The following HIP1 variants were observed in gnomAD, a reference collection of about 807,000 sequenced individuals.
HIP1 encodes huntingtin interacting protein 1.
A neutral mutation model predicts 147.6 loss-of-function variants in HIP1; 65 were observed. The observed-to-expected ratio is 0.44, with a 90% CI of 0.36 to 0.54. The LOEUF is 0.54. HIP1 is among the 20% of genes least tolerant of loss of function. HIP1 has a pLI of 0.00. For synonymous variants in HIP1, 479 were observed against 504.0 expected (o/e 0.95, Z 0.67); for missense variants, 1,061 against 1,299.6 (o/e 0.82, Z 2.82).
Position 75,535,970 on chromosome 7 carries a change from T to C in HIP1, c.*2202A>G, listed in dbSNP as rs587677313. 17 of 178,100 alleles carry C rather than the reference T, an allele frequency of 9.5e-5. No homozygotes were observed. Among genetic ancestry groups the C allele is most frequent in the Admixed American group, 6.9e-4 (11 of 15,846 alleles). 11.0% of individuals were successfully genotyped at this position (178,100 alleles called of 1,614,324 possible). ...CTCAGGTGATCCTACCACCTCAGCC[T>C]CTCAAAGTGCTGGGATTACAGGCGT... On this transcript the variant is annotated 3_prime_UTR_variant, in exon 31 of 31. Transcript: ENST00000336926.
chr7:75,640,077 C>T (rs527382655), intron 1 of HIP1, among the ~76,000 whole-genome samples: 1 of 152,322 alleles, frequency 6.6e-6, no homozygotes, highest in East Asian at 1.9e-4. Flanking sequence ...AGACATTCCC[C>T]TCTGCAGTAG....
chr7:75,599,939 G>A (rs59805201), intron 1 of HIP1, among the ~76,000 whole-genome samples: 1,512 of 147,048 alleles, frequency 0.01, 30 homozygotes, highest in African/African-American at 0.036. Context: ...GGGTTCAAGC[G>A]ATTCTCCCGC....
chr7:75,608,875 C>T (rs1031286866), intron 1 of HIP1, among the ~76,000 whole-genome samples: 3 of 152,072 alleles, frequency 2.0e-5, no homozygotes, highest in East Asian at 3.9e-4. Context: ...GATATCAGGT[C>T]GAGGAAAACT....
At chr7:75,668,052 G>A (rs942130553) in intron 1 of HIP1, among the ~76,000 whole-genome samples, 11 of 152,072 alleles carry the variant, frequency 7.2e-5, no homozygotes, top group Non-Finnish European at 1.3e-4. Flanking sequence ...ACCATCCCTG[G>A]ATTTCCTGTT....
At chr7:75,691,056 C>G (rs1295696214) in intron 1 of HIP1, among the ~76,000 whole-genome samples, 1 of 152,128 alleles carries the variant, frequency 6.6e-6, no homozygotes, top group Non-Finnish European at 1.5e-5. Flanking sequence ...GTGGTCTAAT[C>G]CATGCAATGG....
chr7:75,650,681 C>G (rs893214374), intron 1 of HIP1, among the ~76,000 whole-genome samples: 6 of 151,870 alleles, frequency 4.0e-5, no homozygotes, highest in African/African-American at 7.3e-5. Flanking sequence ...TCAAACTCCT[C>G]GGCCTCCCAA....
rs1476747809 is a variant in HIP1, at chr7:75,557,701, C to CT, written c.1533dup (p.Glu512ArgfsTer11). 3.1e-6 allele frequency: 5 copies of CT among 1,614,058 alleles called. No homozygotes were observed. Among genetic ancestry groups the CT allele is most frequent in the African/African-American group, 2.7e-5 (2 of 74,930 alleles). Reference sequence around the variant, plus strand: ...ATGCGCTCCAACGAATCCTCCAGCTCTTTTTTCTCTCGTTCCAAATCTACC... The same window carrying CT: ...ATGCGCTCCAACGAATCCTCCAGCTCTTTTTTTCTCTCGTTCCAAATCTACC... On this transcript the variant is annotated frameshift_variant, in exon 16 of 31. Transcript: ENST00000336926. LOFTEE classifies it high-confidence loss of function.
chr7:75,723,947 TATAGAGAG>T (rs1389669095), intron 1 of HIP1, among the ~76,000 whole-genome samples: 160 of 133,720 alleles, frequency 1.2e-3, no homozygotes, highest in African/African-American at 4.3e-3. Context: ...TTTATATATA[TATAGAGAG>T]AGAGAGAGAG....
intron 1 of HIP1, among the ~76,000 whole-genome samples, chr7:75,644,649 T>G (rs1416527892): frequency 1.3e-5 from 2 of 152,196 alleles, no homozygotes; most frequent in Non-Finnish European, 2.9e-5. Context: ...AAAGCCAGGA[T>G]AACAGTAGTC....
chr7:75,601,339 A>G (rs2117014461), intron 1 of HIP1, among the ~76,000 whole-genome samples: 1 of 152,232 alleles, frequency 6.6e-6, no homozygotes, highest in Non-Finnish European at 1.5e-5. Flanking sequence ...CTGTAATCCC[A>G]GCACTTTGGG....
In HIP1 at chr7:75,607,529, TAAAAAAAAAAA is replaced by T. The variant is rs140305342; in HGVS notation, c.121-8293_121-8283del. ...CAGACATGAGCCACCATGCCCAGCC[TAAAAAAAAAAA>T]AAAAAAAAAAAATTTGTCAAGTGCG... On this transcript the variant is annotated intron_variant, in intron 1 of 30. Coordinates refer to ENST00000336926, the MANE Select transcript of HIP1 (RefSeq NM_005338.7). Among the ~76,000 whole-genome samples the T allele has an allele frequency of 2.8e-5, 3 of 107,418 alleles. No individual in the cohort carries two copies. In the Admixed American group the frequency reaches 3.3e-4, roughly 12 times the overall value. The allele number at this position is 107,418 out of a possible 152,430, so 70.5% of individuals were successfully genotyped here. A position where few individuals can be genotyped will look rare whatever the true frequency, so the allele number is the denominator to read the frequency against.
At chr7:75,706,642 T>A (rs1801013934) in intron 1 of HIP1, among the ~76,000 whole-genome samples, 2 of 121,540 alleles carry the variant, frequency 1.6e-5, no homozygotes, top group Middle Eastern at 3.3e-3. Context: ...TTTTTTTTTT[T>A]TTATTATACT....
At chr7:75,674,712 C>T (rs2117254302) in intron 1 of HIP1, among the ~76,000 whole-genome samples, 1 of 151,916 alleles carries the variant, frequency 6.6e-6, no homozygotes, top group Middle Eastern at 3.4e-3. Flanking sequence ...AGGATGGTCT[C>T]GATCTCCTGA....
chr7:75,544,242 G>A (rs1794448040), intron 27 of HIP1, among the ~76,000 whole-genome samples: 1 of 151,080 alleles, frequency 6.6e-6, no homozygotes, highest in Non-Finnish European at 1.5e-5. Context: ...TTTTTATTTG[G>A]AATCGAATCC....
intron 1 of HIP1, among the ~76,000 whole-genome samples, chr7:75,658,553 G>A (rs1375442824): frequency 6.6e-6 from 1 of 152,056 alleles, no homozygotes; most frequent in African/African-American, 2.4e-5. Context: ...CACAGAGGTC[G>A]CTGGGTTTGG....
At chr7:75,549,794 A>G (rs1023352855) in intron 22 of HIP1, among the ~76,000 whole-genome samples, 3 of 149,562 alleles carry the variant, frequency 2.0e-5, no homozygotes, top group African/African-American at 4.9e-5. Context: ...CTCTACCACC[A>G]GAGTATCTGG....
intron 1 of HIP1, among the ~76,000 whole-genome samples, chr7:75,603,123 G>A (rs587710136): frequency 6.6e-6 from 1 of 152,126 alleles, no homozygotes; most frequent in East Asian, 1.9e-4. Flanking sequence ...GAGGCGGGAG[G>A]ATCACCTGAG....
intron 1 of HIP1, among the ~76,000 whole-genome samples, chr7:75,618,444 C>T (rs1371676772): frequency 2.0e-5 from 3 of 152,162 alleles, no homozygotes; most frequent in Admixed American, 6.6e-5. Flanking sequence ...AGCTACCACA[C>T]GTGGCTAATT....
At chr7:75,706,486 T>TA (rs1243642111) in intron 1 of HIP1, among the ~76,000 whole-genome samples, 1 of 132,938 alleles carries the variant, frequency 7.5e-6, no homozygotes. Context: ...TTTTTTTATT[T>TA]TTTTTTTATT....
Sources: allele counts gnomAD v4.1 joint callset (sites outside exome capture counted in the v4.1 genomes callset), GRCh38; gene constraint gnomAD v4.1.1; transcripts MANE v1.5; gene names NCBI Gene and HGNC (gene_info 2026-07-23, HGNC 2026-07-21).